ADAMTS9: variants seen among roughly 807,000 people sequenced by gnomAD.
The protein encoded by ADAMTS9 is A disintegrin and metalloproteinase with thrombospondin motifs 9.
A neutral mutation model predicts 257.1 loss-of-function variants in ADAMTS9; 107 were observed. The observed-to-expected ratio is 0.42, with a 90% CI of 0.36 to 0.49. The LOEUF is 0.49. Among genes scored for constraint, ADAMTS9 ranks in the 20% least tolerant of loss-of-function variants. ADAMTS9 has a pLI of 0.03. For missense variants in ADAMTS9, 2,353 were observed against 2,469.1 expected, an observed-to-expected ratio of 0.95 and a Z score of 1.00; for synonymous variants, 982 against 880.9, an observed-to-expected ratio of 1.11 and a Z score of -2.03.
Position 64,633,650 on chromosome 3 carries a change from C to T in ADAMTS9, c.2039-42G>A, listed in dbSNP as rs751381864. ...ATACAACTTGACTTTTGTGCCTGGC[C>T]TCAGTGCCGGCCGGCCAACGGTGAA... On this transcript the variant is annotated intron_variant, in intron 13 of 39. Transcript: ENST00000498707. The T allele has an allele frequency of 4.3e-6, 7 of 1,613,926 alleles. No individual in the cohort carries two copies. In the South Asian group the frequency reaches 6.6e-5, roughly 15 times the overall value.
intron 19 of ADAMTS9, among the ~76,000 whole-genome samples, chr3:64,620,536 A>G (rs1700079336): frequency 6.6e-6 from 1 of 152,220 alleles, no homozygotes; most frequent in African/African-American, 2.4e-5. Flanking sequence ...TTGCAGGCAA[A>G]TAGAAAAGCT....
At chr3:64,642,728 T>G (rs910116776) in intron 11 of ADAMTS9, among the ~76,000 whole-genome samples, 6 of 152,198 alleles carry the variant, frequency 3.9e-5, no homozygotes, top group Admixed American at 6.5e-5. Context: ...CCGAGGTCAC[T>G]GAGCAGTGGA....
chr3:64,604,344 G>A lies in ADAMTS9; in HGVS notation c.3475-13C>T, dbSNP rs1402181361. 6.5e-7 allele frequency: 1 copy of A among 1,546,262 alleles called. No individual in the cohort carries two copies. The highest frequency in any genetic ancestry group is 2.0e-5 in the Admixed American group (1 of 49,796). Reference sequence around the variant, plus strand: ...GTAATTCACAGTCCTAGACGTGATGGGGGAAAAAAAAACAAAGTCACTTTC... The same window carrying A: ...GTAATTCACAGTCCTAGACGTGATGAGGGAAAAAAAAACAAAGTCACTTTC... On this transcript the variant is annotated splice_polypyrimidine_tract_variant and intron_variant, in intron 23 of 39. Coordinates refer to ENST00000498707, the MANE Select transcript of ADAMTS9 (RefSeq NM_182920.2).
Position 64,537,360 on chromosome 3 carries a change from G to A in ADAMTS9, c.5613+1843C>T, listed in dbSNP as rs748606495. Among the ~76,000 whole-genome samples the A allele has an allele frequency of 5.2e-4, 79 of 152,276 alleles. 1 individual carries two copies. The Middle Eastern group carries it at 0.01, about 20-fold the overall frequency. ...TGAGACATTTGAAAAAGGCAGGACA[G>A]GGCCAATCTGTTAGCCACTAAAATG... On this transcript the variant is annotated intron_variant, in intron 37 of 39. Coordinates refer to ENST00000498707, the MANE Select transcript of ADAMTS9 (RefSeq NM_182920.2).
intron 37 of ADAMTS9, among the ~76,000 whole-genome samples, chr3:64,538,881 G>C (rs1575992584): frequency 6.7e-6 from 1 of 149,776 alleles, no homozygotes; most frequent in Non-Finnish European, 1.5e-5. Context: ...TCCGCTGACT[G>C]TACAATATTC....
rs200291374 is a variant in ADAMTS9, at chr3:64,577,964, C to A, written c.4357-9429G>T. 1.5e-4 allele frequency among the ~76,000 whole-genome samples: 23 copies of A among 152,278 alleles called. No homozygotes were observed. In the East Asian group the frequency reaches 3.5e-3, roughly 23 times the overall value. On this transcript the variant is annotated intron_variant, in intron 28 of 39. Coordinates refer to ENST00000498707, the MANE Select transcript of ADAMTS9 (RefSeq NM_182920.2). ...TTCTGTAAGCTCATTGTGAAAGGAG[C>A]ATCTTTACAGGCCAGCATGTCAGGT...
At chr3:64,568,885 C>A (rs1041876502) in intron 28 of ADAMTS9, 1 of 207,776 alleles carries the variant, frequency 4.8e-6, no homozygotes, top group Non-Finnish European at 9.5e-6. Context: ...ATTTCTTCAA[C>A]AAAATGCCTG....
intron 30 of ADAMTS9, among the ~76,000 whole-genome samples, chr3:64,556,722 C>CTTCCTTCT (rs2083339923): frequency 7.2e-6 from 1 of 139,388 alleles, no homozygotes; most frequent in African/African-American, 2.7e-5. Context: ...TTTTTCCTTC[C>CTTCCTTCT]TTCCTTCCTT....
chr3:64,569,933 G>C (rs2083638033), intron 28 of ADAMTS9, among the ~76,000 whole-genome samples: 1 of 152,128 alleles, frequency 6.6e-6, no homozygotes, highest in South Asian at 2.1e-4. Context: ...TCAACCTGTA[G>C]TGTTTGATCT....
chr3:64,565,907 C>T (rs2083533763), intron 29 of ADAMTS9: 1 of 152,160 alleles, frequency 6.6e-6, no homozygotes, highest in African/African-American at 2.4e-5. Context: ...TCAGAAGACA[C>T]AGAAGTGAAA....
rs566464455 is a variant in ADAMTS9 at position 64,656,151 on chromosome 3, G to A, written c.970-276C>T. On this transcript the variant is annotated intron_variant, in intron 4 of 39. Transcript: ENST00000498707. ...AACAGTTCTCTGTACCAGAACACTG[G>A]ATATTAATTTTCCATCAAGCTCTTT... 7 of 272,658 alleles carry A rather than the reference G, an allele frequency of 2.6e-5. No individual in the cohort carries two copies. In the East Asian group the frequency reaches 5.3e-4, roughly 21 times the overall value. 16.9% of individuals were successfully genotyped at this position (272,658 alleles called of 1,614,324 possible). A position where few individuals can be genotyped will look rare whatever the true frequency, so the allele number is the denominator to read the frequency against.
intron 3 of ADAMTS9, among the ~76,000 whole-genome samples, chr3:64,676,790 G>A (rs1487319877): frequency 6.6e-6 from 1 of 152,148 alleles, no homozygotes; most frequent in Non-Finnish European, 1.5e-5. Flanking sequence ...CTTAGGCACA[G>A]CATTGATGGG....
chr3:64,594,459 C>T, intron 27 of ADAMTS9, 25 bp from the exon 28 acceptor site: 1 of 1,601,008 alleles, frequency 6.2e-7, no homozygotes, highest in Non-Finnish European at 8.5e-7. Flanking sequence ...AGGAAGGCTG[C>T]AGTTATTTTG....
intron 29 of ADAMTS9, among the ~76,000 whole-genome samples, chr3:64,564,611 TTG>T (rs200963496): frequency 4.7e-5 from 7 of 149,016 alleles, no homozygotes; most frequent in African/African-American, 1.8e-4. Context: ...TAATTCTTTT[TTG>T]TGTGTGGGGG....
At chr3:64,649,111 G>A (rs1462495547) in intron 10 of ADAMTS9, among the ~76,000 whole-genome samples, 1 of 152,080 alleles carries the variant, frequency 6.6e-6, no homozygotes, top group Non-Finnish European at 1.5e-5. Flanking sequence ...CACAACACAT[G>A]CAGCAAAACT....
chr3:64,575,995 T>G (rs886285058), intron 28 of ADAMTS9, among the ~76,000 whole-genome samples: 1 of 152,200 alleles, frequency 6.6e-6, no homozygotes, highest in Non-Finnish European at 1.5e-5. Flanking sequence ...AGGTGGGACT[T>G]TGGCAAGATC....
chr3:64,599,303 G>T (rs932390213), intron 26 of ADAMTS9, among the ~76,000 whole-genome samples: 1 of 152,148 alleles, frequency 6.6e-6, no homozygotes, highest in Non-Finnish European at 1.5e-5. Context: ...CTGGACTTTT[G>T]TTAACAAAGT....
At chr3:64,519,150 C>T (rs1250282472) in intron 39 of ADAMTS9, among the ~76,000 whole-genome samples, 1 of 152,146 alleles carries the variant, frequency 6.6e-6, no homozygotes, top group Non-Finnish European at 1.5e-5. Flanking sequence ...AGCAGCTCCT[C>T]CACACAGTTT....
At chr3:64,621,639 G>A (rs1490679778) in intron 18 of ADAMTS9, among the ~76,000 whole-genome samples, 2 of 152,010 alleles carry the variant, frequency 1.3e-5, no homozygotes, top group Admixed American at 1.3e-4. Flanking sequence ...GCATGCACCT[G>A]TGATCCCAGC....
Sources: gnomAD v4.1 joint callset for allele counts (sites outside exome capture counted in the v4.1 genomes callset) on GRCh38, gnomAD v4.1.1 for gene constraint, MANE v1.5 for transcripts, NCBI Gene and HGNC (gene_info 2026-07-23, HGNC 2026-07-21) for gene names.